KCNQ5: variants seen among roughly 807,000 people sequenced by gnomAD.
KCNQ5 encodes the protein potassium voltage-gated channel subfamily Q member 5, also known as potassium voltage-gated channel subfamily KQT member 5.
In KCNQ5, 30 loss-of-function variants were observed where a neutral mutation model predicts 98.2. The ratio of observed to expected loss-of-function variants is 0.31; its 90% confidence interval spans 0.23 to 0.41. The LOEUF (loss-of-function observed/expected upper bound fraction) is 0.41, where lower values mean the gene tolerates loss of function less well. KCNQ5 is among the 10% of genes least tolerant of loss of function. The pLI is 1.00. For missense variants in KCNQ5, 835 were observed against 1,182.5 expected, an observed-to-expected ratio of 0.71 and a Z score of 4.31; for synonymous variants, 458 against 449.4, an observed-to-expected ratio of 1.02 and a Z score of -0.24.
At chr6:73,176,480 G>A (rs1420216379) in intron 11 of KCNQ5, among the ~76,000 whole-genome samples, 1 of 152,158 alleles carries the variant, frequency 6.6e-6, no homozygotes, top group African/African-American at 2.4e-5. Context: ...AAATTTTTCA[G>A]TCTCGGGTAT....
intron 1 of KCNQ5, among the ~76,000 whole-genome samples, chr6:72,750,883 T>C (rs1336831067): frequency 1.3e-5 from 2 of 152,058 alleles, no homozygotes; most frequent in Non-Finnish European, 2.9e-5. Flanking sequence ...AGCCTTCCAC[T>C]TCCATTCCTT....
intron 3 of KCNQ5, among the ~76,000 whole-genome samples, chr6:73,044,096 G>A (rs548444630): frequency 2.4e-4 from 36 of 152,136 alleles, no homozygotes; most frequent in African/African-American, 8.7e-4. Context: ...GACCAGCCTG[G>A]GATGGAAAGA....
In KCNQ5 at chr6:73,169,787, G is replaced by C; in HGVS notation, c.1510G>C (p.Gly504Arg). ...LGTDDVYDEKGCQCDVSVEDL... is the reference protein window; with the variant it reads ...LGTDDVYDEKRCQCDVSVEDL... ...CACTGATGATGTATATGATGAAAAA[G>C]GATGCCAGTGTGATGTATCAGTGGA... The change falls in exon 11 of 14, where the codon GGA becomes CGA. Residue 504 changes from glycine (G) to arginine (R), a missense_variant. Physicochemically the swap from Gly to Arg is moderately radical, Grantham distance 125. Around this residue, in one of 10 missense-constraint regions of KCNQ5, gnomAD observed 146 missense variants for 256.7 expected, o/e 0.57. Coordinates refer to ENST00000370398, the MANE Select transcript of KCNQ5 (RefSeq NM_019842.4). 1 of 1,613,950 alleles carries C rather than the reference G, an allele frequency of 6.2e-7. No homozygotes were observed. Among genetic ancestry groups the C allele is most frequent in the Non-Finnish European group, 8.5e-7 (1 of 1,179,884 alleles).
intron 1 of KCNQ5, among the ~76,000 whole-genome samples, chr6:72,730,045 T>A (rs1048786918): frequency 6.6e-6 from 1 of 152,146 alleles, no homozygotes; most frequent in African/African-American, 2.4e-5. Flanking sequence ...TACTCCTAGC[T>A]ACTCAGAAGG....
chr6:72,770,698 AG>A (rs1404166102), intron 1 of KCNQ5, among the ~76,000 whole-genome samples: 1 of 152,136 alleles, frequency 6.6e-6, no homozygotes, highest in East Asian at 1.9e-4. Context: ...TTAAATTCCT[AG>A]TCTGTTATTA....
chr6:72,756,114 C>A (rs9293909), intron 1 of KCNQ5, among the ~76,000 whole-genome samples: 29,315 of 152,078 alleles, frequency 0.19, 3,355 homozygotes, highest in African/African-American at 0.32. Context: ...ATTTGTGAAA[C>A]TTTTAGCTAA....
intron 1 of KCNQ5, among the ~76,000 whole-genome samples, chr6:72,791,648 GC>G (rs961198646): frequency 1.3e-5 from 2 of 152,176 alleles, no homozygotes; most frequent in African/African-American, 4.8e-5. Flanking sequence ...GTTTTGTGCT[GC>G]TGTCACAGAA....
At chr6:73,088,587 CCT>C (rs1774091545) in intron 5 of KCNQ5, among the ~76,000 whole-genome samples, 1 of 152,112 alleles carries the variant, frequency 6.6e-6, no homozygotes, top group Non-Finnish European at 1.5e-5. Flanking sequence ...TTAACATCAC[CCT>C]GTTACTGATT....
intron 1 of KCNQ5, among the ~76,000 whole-genome samples, chr6:72,913,929 G>A (rs995150168): frequency 1.3e-5 from 2 of 152,180 alleles, no homozygotes; most frequent in African/African-American, 4.8e-5. Context: ...ACAAACTGGG[G>A]GAACTTAACA....
intron 1 of KCNQ5, among the ~76,000 whole-genome samples, chr6:72,851,576 G>A (rs1276844664): frequency 6.6e-6 from 1 of 151,928 alleles, no homozygotes; most frequent in Non-Finnish European, 1.5e-5. Context: ...TTCTGAAGAA[G>A]GCATGTAGAA....
At chr6:72,982,487 CTTTTTT>C (rs141947372) in intron 1 of KCNQ5, among the ~76,000 whole-genome samples, 7 of 60,258 alleles carry the variant, frequency 1.2e-4, no homozygotes, top group Admixed American at 2.3e-4. Context: ...GCAACCCCTG[CTTTTTT>C]TTTTTTTTTT....
chr6:72,972,360 C>CT (rs11447499), intron 1 of KCNQ5, among the ~76,000 whole-genome samples: 132,333 of 150,964 alleles, frequency 0.88, 58,339 homozygotes, highest in Non-Finnish European at 0.93. Context: ...TGAGCTGCTT[C>CT]TTTTTTTTTC....
chr6:72,905,432 G>C (rs559938249), intron 1 of KCNQ5, among the ~76,000 whole-genome samples: 235 of 152,178 alleles, frequency 1.5e-3, no homozygotes, highest in Non-Finnish European at 2.5e-3. Flanking sequence ...GTGATTTTGC[G>C]GGGGCATGTT....
chr6:73,195,202 A>C lies in KCNQ5; in HGVS notation c.2587A>C (p.Lys863Gln). The change falls in exon 14 of 14, where the codon AAA becomes CAA. Residue 863 changes from lysine (K) to glutamine (Q), a missense_variant. Lys to Gln is a moderately conservative substitution (Grantham distance 53). Transcript: ENST00000370398. Reference sequence around the variant, plus strand: ...CAGAGGCAGCCAAGATTTTTACCCCAAATGGAGGGAATCCAAATTGTTTAT... The same window carrying C: ...CAGAGGCAGCCAAGATTTTTACCCCCAATGGAGGGAATCCAAATTGTTTAT... The part of the protein sequence containing the change: ...GSRGSQDFYP[K>Q]WRESKLFITD... 1 of 1,614,202 alleles carries C rather than the reference A, an allele frequency of 6.2e-7. No homozygotes were observed. Among genetic ancestry groups the C allele is most frequent in the Non-Finnish European group, 8.5e-7 (1 of 1,180,038 alleles).
rs184231172 is a variant in KCNQ5 at position 73,144,740 on chromosome 6, T to C, written c.1468+11099T>C. Among the ~76,000 whole-genome samples the C allele has an allele frequency of 4.6e-5, 7 of 152,338 alleles. No homozygotes were observed. In the East Asian group the frequency reaches 1.3e-3, roughly 29 times the overall value. On this transcript the variant is annotated intron_variant, in intron 10 of 13. Transcript: ENST00000370398. ...TGTGTTCAGCTGCTGTGTTGGCTGGTGCTGACTGGACTAAGGTGGTCTCAG... is the reference window on the plus strand; with the variant it reads ...TGTGTTCAGCTGCTGTGTTGGCTGGCGCTGACTGGACTAAGGTGGTCTCAG...
At position 73,041,991 on chromosome 6, in the gene KCNQ5, C is replaced by T. The variant is rs1771729432; in HGVS notation, c.545C>T (p.Ala182Val). The T allele has an allele frequency of 6.2e-7, 1 of 1,613,808 alleles. No individual in the cohort carries two copies. The highest frequency in any genetic ancestry group is 8.5e-7 in the Non-Finnish European group (1 of 1,179,780). The change falls in exon 3 of 14, where the codon GCG (alanine) becomes GTG (valine). Residue 182 changes from alanine to valine, a missense_variant. Ala to Val is a moderately conservative substitution (Grantham distance 64). Transcript: ENST00000370398. ...GAGTTCATCATTCGAATCTGGTCTG[C>T]GGGTTGCTGTTGTCGATATAGAGGA... ...GLEFIIRIWS[A>V]GCCCRYRGWQ...
chr6:73,028,444 T>C (rs971935070), intron 2 of KCNQ5, among the ~76,000 whole-genome samples: 17 of 152,338 alleles, frequency 1.1e-4, no homozygotes, highest in South Asian at 4.1e-4. Flanking sequence ...AATCCACTGC[T>C]GTGGGTTCCT....
chr6:72,770,118 A>G (rs1772785486), intron 1 of KCNQ5, among the ~76,000 whole-genome samples: 1 of 152,192 alleles, frequency 6.6e-6, no homozygotes. Flanking sequence ...TGGTTTTAAA[A>G]TGGATTTTAA....
intron 1 of KCNQ5, among the ~76,000 whole-genome samples, chr6:72,902,844 T>C (rs1413423152): frequency 6.6e-6 from 1 of 152,192 alleles, no homozygotes; most frequent in Non-Finnish European, 1.5e-5. Flanking sequence ...ATTAGGGTGA[T>C]ACTGGCTTCA....
Sources: gnomAD v4.1 joint callset for allele counts (sites outside exome capture counted in the v4.1 genomes callset) on GRCh38, gnomAD v4.1.1 for gene constraint, gnomAD v4.1.1 regional missense constraint, MANE v1.5 for transcripts, NCBI Gene and HGNC (gene_info 2026-07-23, HGNC 2026-07-21) for gene names.